Variants in ZCCHC24 observed in about 807,000 individuals in gnomAD.
ZCCHC24 encodes zinc finger CCHC domain-containing protein 24.
ZCCHC24 carries 10 observed loss-of-function variants against 26.2 expected under a neutral mutation model. That is an observed-to-expected ratio of 0.38 (90% CI 0.24 to 0.65). ZCCHC24 has a LOEUF of 0.65. Ranked by LOEUF, ZCCHC24 falls within the 30% of genes least tolerant of loss-of-function variation. The pLI, the probability that ZCCHC24 is intolerant of heterozygous loss-of-function variation, is 0.54. For missense variants in ZCCHC24, 243 were observed against 329.1 expected (o/e 0.74, Z 2.03); for synonymous variants, 144 against 147.1 (o/e 0.98, Z 0.15).
At position 79,423,611 on chromosome 10, in the gene ZCCHC24, T is replaced by A. The variant is rs1490620196; in HGVS notation, c.447+8947A>T. 9.6e-5 allele frequency among the ~76,000 whole-genome samples: 8 copies of A among 83,744 alleles called. 1 individual carries two copies. Among genetic ancestry groups the A allele is most frequent in the African/African-American group, 4.1e-4 (7 of 16,906 alleles). 54.9% of individuals were successfully genotyped at this position (83,744 alleles called of 152,430 possible). ...TATATATATATATATATATATATAT[T>A]TTCTGACTGCATTGGTGTAAACACA... On this transcript the variant is annotated intron_variant, in intron 2 of 3. Transcript: ENST00000372336.
rs575835049 is a variant in ZCCHC24 at position 79,432,718 on chromosome 10, C to T, written c.287G>A (p.Gly96Asp). 1 of 1,609,934 alleles carries T rather than the reference C, an allele frequency of 6.2e-7. No individual in the cohort carries two copies. The highest frequency in any genetic ancestry group is 1.7e-5 in the Admixed American group (1 of 58,874). ...NSVYKGASPY[G>D]SLNNIADGLS... The stretch of plus-strand genomic sequence containing the variant: ...GCCATCGGCGATGTTGTTGAGGGAG[C>T]CATAGGGTGAGGCGCCCTTGTACAC... The change falls in exon 2 of 4, where the codon GGC becomes GAC. Residue 96 changes from glycine to aspartate, a missense_variant. Coordinates refer to ENST00000372336, the MANE Select transcript of ZCCHC24 (RefSeq NM_153367.4).
chr10:79,408,374 T>C (rs1333190128), intron 2 of ZCCHC24, among the ~76,000 whole-genome samples: 4 of 152,128 alleles, frequency 2.6e-5, no homozygotes, highest in African/African-American at 9.7e-5. Flanking sequence ...CTGACCAGCT[T>C]GATGCCTGGA....
intron 2 of ZCCHC24, among the ~76,000 whole-genome samples, chr10:79,395,147 G>T (rs2132178771): frequency 6.6e-6 from 1 of 152,150 alleles, no homozygotes; most frequent in Admixed American, 6.5e-5. Flanking sequence ...GGGCTCAAGG[G>T]ATCCTCCTGC....
At chr10:79,391,595 C>T (rs527259082) in intron 3 of ZCCHC24, among the ~76,000 whole-genome samples, 2 of 152,052 alleles carry the variant, frequency 1.3e-5, no homozygotes, top group East Asian at 3.9e-4. Flanking sequence ...ATCTGAGGCC[C>T]TGCAGAAACT....
At chr10:79,440,410 A>G (rs1857277023) in intron 1 of ZCCHC24, among the ~76,000 whole-genome samples, 1 of 152,152 alleles carries the variant, frequency 6.6e-6, no homozygotes, top group South Asian at 2.1e-4. Context: ...CATGACCAGT[A>G]CTCAGCAATT....
intron 3 of ZCCHC24, among the ~76,000 whole-genome samples, chr10:79,388,174 G>C (rs573737255): frequency 6.6e-6 from 1 of 152,244 alleles, no homozygotes; most frequent in African/African-American, 2.4e-5. Flanking sequence ...CTTTCTCATG[G>C]GCTTGTTCTC....
chr10:79,426,415 G>A (rs1564638919), intron 2 of ZCCHC24, among the ~76,000 whole-genome samples: 1 of 152,214 alleles, frequency 6.6e-6, no homozygotes, highest in African/African-American at 2.4e-5. Context: ...AAGAAATCAT[G>A]GCTGAAAACT....
intron 2 of ZCCHC24, among the ~76,000 whole-genome samples, chr10:79,412,381 A>AG (rs1202343909): frequency 6.6e-6 from 1 of 152,192 alleles, no homozygotes; most frequent in Non-Finnish European, 1.5e-5. Flanking sequence ...TGCATCGGTG[A>AG]GGGGCGGACA....
chr10:79,425,747 C>T, intron 2 of ZCCHC24, among the ~76,000 whole-genome samples: 1 of 152,020 alleles, frequency 6.6e-6, no homozygotes, highest in East Asian at 1.9e-4. Flanking sequence ...TATGCTAAAC[C>T]CAGTGGTAAA....
intron 3 of ZCCHC24, among the ~76,000 whole-genome samples, chr10:79,391,361 G>A (rs1856476313): frequency 6.6e-6 from 1 of 152,108 alleles, no homozygotes; most frequent in Non-Finnish European, 1.5e-5. Flanking sequence ...ACACAAGCCA[G>A]GAATGGGCCT....
intron 2 of ZCCHC24, among the ~76,000 whole-genome samples, chr10:79,414,499 C>A (rs1856835269): frequency 6.6e-6 from 1 of 152,216 alleles, no homozygotes; most frequent in Admixed American, 6.5e-5. Context: ...AATAATAAAG[C>A]TGCAGTCACA....
intron 2 of ZCCHC24, among the ~76,000 whole-genome samples, chr10:79,406,798 T>A (rs530558890): frequency 5.3e-5 from 8 of 152,330 alleles, no homozygotes; most frequent in South Asian, 4.1e-4. Context: ...CAACGCCGCA[T>A]GCCTCCTACA....
chr10:79,443,548 G>C (rs542857311), intron 1 of ZCCHC24, among the ~76,000 whole-genome samples: 6 of 152,312 alleles, frequency 3.9e-5, no homozygotes. Context: ...CTATCACCTT[G>C]TCTGTTTACT....
intron 3 of ZCCHC24, among the ~76,000 whole-genome samples, chr10:79,393,705 A>C (rs1455061698): frequency 1.3e-5 from 2 of 151,524 alleles, no homozygotes; most frequent in African/African-American, 4.9e-5. Flanking sequence ...CTGCGCTTTC[A>C]CTGAACCGTG....
intron 1 of ZCCHC24, among the ~76,000 whole-genome samples, chr10:79,439,257 C>T (rs1857258794): frequency 6.6e-6 from 1 of 152,262 alleles, no homozygotes; most frequent in African/African-American, 2.4e-5. Context: ...CATTCATCAG[C>T]ATACCCAAGC....
rs1036488694 is a variant in ZCCHC24 at position 79,404,391 on chromosome 10, C to G, written c.448-9951G>C. ...CTCTGGCTTTCCTCCCTTAGCAAACCACACGGATCAGAGCGGAGGGGCGGG... is the reference window on the plus strand; with the variant it reads ...CTCTGGCTTTCCTCCCTTAGCAAACGACACGGATCAGAGCGGAGGGGCGGG... On this transcript the variant is annotated intron_variant, in intron 2 of 3. Coordinates refer to ENST00000372336, the MANE Select transcript of ZCCHC24 (RefSeq NM_153367.4). Among the ~76,000 whole-genome samples, 23 of 152,160 alleles carry G rather than the reference C, an allele frequency of 1.5e-4. 1 individual carries two copies. The highest frequency in any genetic ancestry group is 8.8e-5 in the Non-Finnish European group (6 of 68,036).
At chr10:79,396,952 C>T (rs975585693) in intron 2 of ZCCHC24, among the ~76,000 whole-genome samples, 2 of 152,152 alleles carry the variant, frequency 1.3e-5, no homozygotes, top group Non-Finnish European at 2.9e-5. Flanking sequence ...GTGCCTGGCA[C>T]ACAGAAGACA....
At position 79,432,648 on chromosome 10, in the gene ZCCHC24, G is replaced by A. The variant is rs372309354; in HGVS notation, c.357C>T (p.Ser119=). 1.5e-5 allele frequency: 24 copies of A among 1,609,248 alleles called. No homozygotes were observed. The highest frequency in any genetic ancestry group is 1.7e-4 in the Middle Eastern group (1 of 6,058). Residue 119 remains serine (S), a synonymous_variant, in exon 2 of 4, where the codon TCC becomes TCT. Coordinates refer to ENST00000372336, the MANE Select transcript of ZCCHC24 (RefSeq NM_153367.4). ...TEHFSDLTLT[S]EARKPSKRPP... ...GCCGCTTGCTGGGCTTGCGAGCCTCGGAGGTGAGGGTCAGGTCTGAGAAGT... is the reference window on the plus strand; with the variant it reads ...GCCGCTTGCTGGGCTTGCGAGCCTCAGAGGTGAGGGTCAGGTCTGAGAAGT...
intron 3 of ZCCHC24, among the ~76,000 whole-genome samples, chr10:79,391,722 C>T (rs529250923): frequency 4.6e-5 from 7 of 151,914 alleles, no homozygotes; most frequent in African/African-American, 9.7e-5. Context: ...TCCGGGCCCC[C>T]GGTCTACTGA....
Sources: gnomAD v4.1 joint callset for allele counts (sites outside exome capture counted in the v4.1 genomes callset) on GRCh38, gnomAD v4.1.1 for gene constraint, MANE v1.5 for transcripts, NCBI Gene and HGNC (gene_info 2026-07-23, HGNC 2026-07-21) for gene names.